Variants in PCSK2 observed in about 807,000 individuals in gnomAD.
PCSK2 encodes neuroendocrine convertase 2.
PCSK2 carries 14 observed loss-of-function variants against 69.7 expected under a neutral mutation model. That is an observed-to-expected ratio of 0.20 (90% CI 0.13 to 0.31). PCSK2 has a LOEUF of 0.31. PCSK2 is among the 10% of genes least tolerant of loss of function. The pLI, the probability that PCSK2 is intolerant of heterozygous loss-of-function variation, is 1.00. For missense variants in PCSK2, 544 were observed against 842.5 expected (o/e 0.65, Z 4.39); for synonymous variants, 307 against 320.7 (o/e 0.96, Z 0.46).
At chr20:17,327,508 C>T (rs1990094717) in intron 2 of PCSK2, among the ~76,000 whole-genome samples, 1 of 152,174 alleles carries the variant, frequency 6.6e-6, no homozygotes. Flanking sequence ...TGCCCTACCC[C>T]GACCCCCACC....
intron 2 of PCSK2, among the ~76,000 whole-genome samples, chr20:17,316,816 A>G (rs1292215562): frequency 6.6e-6 from 1 of 152,206 alleles, no homozygotes; most frequent in East Asian, 1.9e-4. Flanking sequence ...TGAATGCACC[A>G]GGAGATTTCC....
chr20:17,422,398 T>C (rs6136087), intron 6 of PCSK2, among the ~76,000 whole-genome samples: 13,574 of 151,890 alleles, frequency 0.089, 821 homozygotes, highest in East Asian at 0.18. Flanking sequence ...AATTATAAAA[T>C]TTACAAAAGA....
At chr20:17,255,746 T>C (rs148144579) in intron 1 of PCSK2, among the ~76,000 whole-genome samples, 8 of 152,360 alleles carry the variant, frequency 5.3e-5, no homozygotes, top group African/African-American at 1.9e-4. Context: ...TTTATTCTAT[T>C]GATATATTTA....
chr20:17,445,493 G>T (rs2032681225), intron 8 of PCSK2, among the ~76,000 whole-genome samples: 1 of 152,240 alleles, frequency 6.6e-6, no homozygotes, highest in African/African-American at 2.4e-5. Flanking sequence ...GGGCTGCAAA[G>T]GGCAAAGCAC....
intron 5 of PCSK2, among the ~76,000 whole-genome samples, chr20:17,371,825 G>C (rs535032131): frequency 2.6e-5 from 4 of 152,140 alleles, no homozygotes; most frequent in African/African-American, 9.6e-5. Flanking sequence ...TCCAATTGTT[G>C]AACAATTAGG....
intron 2 of PCSK2, among the ~76,000 whole-genome samples, chr20:17,311,108 T>C (rs1440604470): frequency 6.6e-6 from 1 of 152,154 alleles, no homozygotes. Flanking sequence ...TAGAGTAGTT[T>C]GAGCCCATTA....
At chr20:17,268,062 T>TATATATATATATATATATAA (rs1403191827) in intron 2 of PCSK2, among the ~76,000 whole-genome samples, 4 of 146,680 alleles carry the variant, frequency 2.7e-5, no homozygotes, top group African/African-American at 5.0e-5. Context: ...TATATATATA[T>TATATATATATATATATATAA]AATGCATTTA....
chr20:17,339,023 T>C (rs946550400), intron 2 of PCSK2, among the ~76,000 whole-genome samples: 1 of 152,192 alleles, frequency 6.6e-6, no homozygotes, highest in African/African-American at 2.4e-5. Context: ...CTAGTTTTCA[T>C]TAAGAACAGC....
At chr20:17,362,042 C>T (rs2030414561) in intron 4 of PCSK2, among the ~76,000 whole-genome samples, 1 of 152,164 alleles carries the variant, frequency 6.6e-6, no homozygotes, top group African/African-American at 2.4e-5. Context: ...GAGAAGCCAC[C>T]CTAAAAGTGG....
intron 5 of PCSK2, among the ~76,000 whole-genome samples, chr20:17,372,517 T>C (rs923377080): frequency 3.9e-5 from 6 of 152,296 alleles, no homozygotes; most frequent in Non-Finnish European, 7.3e-5. Context: ...ACTGGTGGGA[T>C]GTTATTGAAG....
intron 5 of PCSK2, among the ~76,000 whole-genome samples, chr20:17,400,875 A>C (rs779678102): frequency 1.3e-5 from 2 of 152,208 alleles, no homozygotes; most frequent in Non-Finnish European, 2.9e-5. Context: ...GTTTTGCATC[A>C]TATGGGTGCA....
At chr20:17,366,255 T>A (rs2030588422) in intron 4 of PCSK2, among the ~76,000 whole-genome samples, 4 of 152,232 alleles carry the variant, frequency 2.6e-5, no homozygotes. Context: ...CACCGCTTCC[T>A]GAGAATTGGG....
At chr20:17,300,739 A>G (rs1989052947) in intron 2 of PCSK2, among the ~76,000 whole-genome samples, 1 of 152,216 alleles carries the variant, frequency 6.6e-6, no homozygotes. Flanking sequence ...TTTAAACAAT[A>G]AAGTCCAAGA....
intron 6 of PCSK2, among the ~76,000 whole-genome samples, chr20:17,411,586 A>C (rs1169365128): frequency 6.6e-6 from 1 of 152,192 alleles, no homozygotes; most frequent in African/African-American, 2.4e-5. Flanking sequence ...CTCTGTGGGC[A>C]GGGCATAGCT....
chr20:17,303,443 ATATATAT>A (rs1989170299), intron 2 of PCSK2, among the ~76,000 whole-genome samples: 1 of 49,868 alleles, frequency 2.0e-5, no homozygotes, highest in Non-Finnish European at 4.1e-5. Flanking sequence ...ATATAATATA[ATATATAT>A]TATATTAAAT....
At chr20:17,277,712 G>C (rs923981141) in intron 2 of PCSK2, among the ~76,000 whole-genome samples, 5 of 151,124 alleles carry the variant, frequency 3.3e-5, no homozygotes, top group African/African-American at 1.2e-4. Context: ...AGCCAAAATT[G>C]ACAAATGGGA....
In PCSK2 at chr20:17,445,787, G is replaced by T. The variant is rs554559879; in HGVS notation, c.886-7955G>T. Among the ~76,000 whole-genome samples, 703 of 152,352 alleles carry T rather than the reference G, an allele frequency of 4.6e-3. 1 individual carries two copies. Among genetic ancestry groups the T allele is most frequent in the Non-Finnish European group, 6.8e-3 (462 of 68,036 alleles). The stretch of plus-strand genomic sequence containing the variant: ...ATTTATGCTCTGCAGCCAGATGAAG[G>T]TCGCAACTGAGCAGAACTGCTGCAG... On this transcript the variant is annotated intron_variant, in intron 8 of 11. Transcript: ENST00000262545.
intron 11 of PCSK2, among the ~76,000 whole-genome samples, chr20:17,468,167 T>C (rs1489987313): frequency 6.8e-6 from 1 of 148,068 alleles, no homozygotes. Flanking sequence ...CCACCATAGG[T>C]CAGCATCCTC....
intron 2 of PCSK2, among the ~76,000 whole-genome samples, chr20:17,338,512 A>G (rs1990423229): frequency 6.6e-6 from 1 of 151,908 alleles, no homozygotes; most frequent in Non-Finnish European, 1.5e-5. Context: ...TGTTTTTAAA[A>G]TTGTTGTTGT....
Sources: allele counts gnomAD v4.1 joint callset (sites outside exome capture counted in the v4.1 genomes callset), GRCh38; gene constraint gnomAD v4.1.1; transcripts MANE v1.5; gene names NCBI Gene and HGNC (gene_info 2026-07-23, HGNC 2026-07-21).